The following FRY variants were observed in gnomAD, a reference collection of about 807,000 sequenced individuals.
The protein encoded by FRY is protein furry homolog.
In FRY, 128 loss-of-function variants were observed where a neutral mutation model predicts 348.4. That is an observed-to-expected ratio of 0.37 (90% CI 0.32 to 0.43). The LOEUF (loss-of-function observed/expected upper bound fraction) is 0.43, where lower values mean the gene tolerates loss of function less well. FRY is among the 20% of genes least tolerant of loss of function. FRY has a pLI of 1.00. For missense variants in FRY, 2,736 were observed against 3,695.2 expected (o/e 0.74, Z 6.73); for synonymous variants, 1,370 against 1,374.7 (o/e 1.00, Z 0.08).
chr13:32,173,552 ATG>A lies in FRY; in HGVS notation c.2334+4_2334+5del, dbSNP rs776792059. 6.2e-7 allele frequency: 1 copy of A among 1,608,660 alleles called. No individual in the cohort carries two copies. Among genetic ancestry groups the A allele is most frequent in the Non-Finnish European group, 8.5e-7 (1 of 1,175,526 alleles). The stretch of plus-strand genomic sequence containing the variant: ...TTATTGCCCTGGGGCAGCCTGAGGT[ATG>A]GATTAGTCTTCTGAATTTTTCCATT... On this transcript the variant is annotated splice_donor_5th_base_variant and intron_variant, in intron 19 of 60. Coordinates refer to ENST00000542859, the MANE Select transcript of FRY (RefSeq NM_023037.3).
Position 32,210,977 on chromosome 13 carries a change from G to A in FRY, c.4534G>A (p.Asp1512Asn). The change falls in exon 34 of 61, where the codon GAC (aspartate) becomes AAC (asparagine). Residue 1512 changes from aspartate to asparagine, a missense_variant. Around this residue, in one of 9 missense-constraint regions of FRY, gnomAD observed 794 missense variants for 977.0 expected, o/e 0.81. Transcript: ENST00000542859. ...EPVNPIVQHC[D>N]NPPFYRFTAS... is the part of the protein sequence containing the mutation. ...CGTGAACCCCATCGTCCAGCATTGTGACAACCCGCCCTTCTACCGCTTCAC... is the reference window on the plus strand; with the variant it reads ...CGTGAACCCCATCGTCCAGCATTGTAACAACCCGCCCTTCTACCGCTTCAC... 1.2e-6 allele frequency: 2 copies of A among 1,614,006 alleles called. No individual in the cohort carries two copies. Among genetic ancestry groups the A allele is most frequent in the Non-Finnish European group, 1.7e-6 (2 of 1,179,876 alleles).
chr13:32,036,015 GA>G (rs1446989448), intron 1 of FRY, among the ~76,000 whole-genome samples: 1 of 152,190 alleles, frequency 6.6e-6, no homozygotes, highest in African/African-American at 2.4e-5. Context: ...GGGCCAAAGA[GA>G]AAAGTCATGT....
At chr13:32,260,629 C>G (rs1477969616) in intron 51 of FRY, among the ~76,000 whole-genome samples, 17 of 152,224 alleles carry the variant, frequency 1.1e-4, no homozygotes, top group Non-Finnish European at 1.5e-5. Flanking sequence ...AATCTCAGCA[C>G]TTTGGGAGGC....
intron 19 of FRY, among the ~76,000 whole-genome samples, chr13:32,174,082 A>C (rs1882244671): frequency 6.6e-6 from 1 of 152,242 alleles, no homozygotes; most frequent in Admixed American, 6.5e-5. Context: ...TAAATGCCAT[A>C]CACCTTGTTC....
At chr13:32,153,766 A>G (rs67945642) in intron 14 of FRY, among the ~76,000 whole-genome samples, 17,519 of 152,118 alleles carry the variant, frequency 0.12, 1,161 homozygotes, top group African/African-American at 0.18. Context: ...AGCTTTTCAG[A>G]CATTTTCTTT....
intron 2 of FRY, among the ~76,000 whole-genome samples, chr13:32,093,825 A>T (rs763988330): frequency 6.6e-5 from 10 of 152,244 alleles, no homozygotes; most frequent in Non-Finnish European, 1.2e-4. Context: ...CCATCACCCC[A>T]AAGTTATGCT....
At chr13:32,205,321 A>G (rs1386651538) in intron 31 of FRY, among the ~76,000 whole-genome samples, 1 of 152,220 alleles carries the variant, frequency 6.6e-6, no homozygotes, top group Admixed American at 6.5e-5. Flanking sequence ...GGACTAATCA[A>G]TTATTGGGCC....
intron 2 of FRY, among the ~76,000 whole-genome samples, chr13:32,096,615 A>T (rs1243653295): frequency 6.6e-6 from 1 of 151,822 alleles, no homozygotes; most frequent in East Asian, 1.9e-4. Context: ...ACATGGTAAA[A>T]CCCCATCTCT....
chr13:32,231,418 C>T, intron 41 of FRY, 118 bp downstream of exon 41: 1 of 981,396 alleles, frequency 1.0e-6, no homozygotes, highest in South Asian at 1.3e-5. Context: ...ATAGCACGAG[C>T]ATATTCACAG....
chr13:32,227,264 C>A lies in FRY; in HGVS notation c.5207-1192C>A, dbSNP rs546103536. Among the ~76,000 whole-genome samples, 3 of 152,186 alleles carry A rather than the reference C, an allele frequency of 2.0e-5. No homozygotes were observed. The East Asian group carries it at 5.8e-4, about 29-fold the overall frequency. ...TTTTTTTATAAATATTTATTAAGCA[C>A]CTAGTTTCAACTATAGTTGCTTTAA... On this transcript the variant is annotated intron_variant, in intron 39 of 60. Coordinates refer to ENST00000542859, the MANE Select transcript of FRY (RefSeq NM_023037.3).
At chr13:32,207,756 T>C (rs959050748) in intron 31 of FRY, among the ~76,000 whole-genome samples, 5 of 152,194 alleles carry the variant, frequency 3.3e-5, no homozygotes, top group African/African-American at 1.2e-4. Context: ...AAGGGCCAAA[T>C]TGATTAAAGC....
chr13:32,068,832 A>G (rs1459715859), intron 1 of FRY, among the ~76,000 whole-genome samples: 4 of 152,180 alleles, frequency 2.6e-5, no homozygotes, highest in Non-Finnish European at 4.4e-5. Context: ...TCTAGGAAAG[A>G]ATAGTCTTTA....
intron 21 of FRY, 116 bp from the exon 22 acceptor site, chr13:32,178,728 T>C (rs563440952): frequency 2.6e-6 from 2 of 778,658 alleles, no homozygotes; most frequent in East Asian, 2.6e-5. Flanking sequence ...TTGAATAACA[T>C]TCTTAATCGA....
intron 36 of FRY, among the ~76,000 whole-genome samples, chr13:32,219,760 A>G (rs1310987680): frequency 1.3e-5 from 2 of 152,104 alleles, no homozygotes; most frequent in South Asian, 2.1e-4. Context: ...TGGCGGTTCA[A>G]CATTTCCACC....
rs193022964 is a variant in FRY at position 32,288,422 on chromosome 13, C to A, written c.8470-1211C>A. Among the ~76,000 whole-genome samples the A allele has an allele frequency of 7.7e-3, 1,173 of 152,260 alleles. 9 individuals are homozygous for A. Among genetic ancestry groups the A allele is most frequent in the Non-Finnish European group, 0.013 (879 of 68,024 alleles). On this transcript the variant is annotated intron_variant, in intron 58 of 60. Coordinates refer to ENST00000542859, the MANE Select transcript of FRY (RefSeq NM_023037.3). The stretch of plus-strand genomic sequence containing the variant: ...AAAGAATCTAGGCAGAATTGGTTTT[C>A]CCCTAAAGAGCAGGGAAGAGCTGGG...
chr13:32,073,295 G>A (rs570865473), intron 1 of FRY, among the ~76,000 whole-genome samples: 29 of 152,282 alleles, frequency 1.9e-4, no homozygotes, highest in Non-Finnish European at 1.3e-4. Context: ...ACACAGATAT[G>A]GGGCAGGCCA....
At chr13:32,274,567 G>C (rs1008318111) in intron 55 of FRY, among the ~76,000 whole-genome samples, 1 of 151,648 alleles carries the variant, frequency 6.6e-6, no homozygotes, top group Non-Finnish European at 1.5e-5. Context: ...AGCCAGGCGT[G>C]GTGGCAGGCA....
At chr13:32,058,099 G>A (rs1873742066) in intron 1 of FRY, among the ~76,000 whole-genome samples, 2 of 152,204 alleles carry the variant, frequency 1.3e-5, no homozygotes, top group South Asian at 4.1e-4. Flanking sequence ...ATTAATATTT[G>A]AGGGTTGTTA....
chr13:32,243,695 T>C (rs1183937228), intron 46 of FRY, among the ~76,000 whole-genome samples: 1 of 152,234 alleles, frequency 6.6e-6, no homozygotes, highest in Non-Finnish European at 1.5e-5. Context: ...TATTTCCTCA[T>C]GTGAATTTTA....
Sources: allele counts gnomAD v4.1 joint callset (sites outside exome capture counted in the v4.1 genomes callset), GRCh38; gene constraint gnomAD v4.1.1; regional missense constraint gnomAD v4.1.1; transcripts MANE v1.5; gene names NCBI Gene and HGNC (gene_info 2026-07-23, HGNC 2026-07-21).